The following TDRD12 variants were observed in gnomAD, a reference collection of about 807,000 sequenced individuals.
TDRD12 encodes the protein putative ATP-dependent RNA helicase TDRD12.
TDRD12 carries 158 observed loss-of-function variants against 133.5 expected under a neutral mutation model. That is an observed-to-expected ratio of 1.18 (90% CI 1.04 to 1.35). TDRD12 has a LOEUF of 1.35. Ranked by LOEUF, TDRD12 falls within the 40% of genes most tolerant of loss-of-function variation. TDRD12 has a pLI of 0.00. For missense variants in TDRD12, 1,443 were observed against 1,321.3 expected (o/e 1.09, Z -1.43); for synonymous variants, 460 against 477.9 (o/e 0.96, Z 0.49).
intron 11 of TDRD12, among the ~76,000 whole-genome samples, chr19:32,780,656 G>A (rs1970736897): frequency 6.6e-6 from 1 of 152,064 alleles, no homozygotes. Flanking sequence ...CTGGTGAGAT[G>A]AGTGTTCATT....
intron 14 of TDRD12, among the ~76,000 whole-genome samples, chr19:32,795,204 A>G (rs1032729162): frequency 1.3e-5 from 2 of 152,040 alleles, no homozygotes; most frequent in Non-Finnish European, 2.9e-5. Context: ...GCATGGTGGC[A>G]TGCCTGTAAT....
downstream of TDRD12, among the ~76,000 whole-genome samples, chr19:32,823,414 TG>T (rs1166593870): frequency 6.6e-6 from 1 of 151,778 alleles, no homozygotes; most frequent in Non-Finnish European, 1.5e-5. Context: ...TTGTGAAGGA[TG>T]GGGGTCATCT....
chr19:32,777,647 T>C (rs1387170994), intron 11 of TDRD12, among the ~76,000 whole-genome samples: 1 of 151,342 alleles, frequency 6.6e-6, no homozygotes, highest in African/African-American at 2.4e-5. Context: ...AATATTTACA[T>C]AGCAATTTTC....
chr19:32,771,869 T>G (rs1459900321), intron 8 of TDRD12, among the ~76,000 whole-genome samples: 4 of 152,266 alleles, frequency 2.6e-5, no homozygotes, highest in Non-Finnish European at 5.9e-5. Context: ...CTGCTGCTTA[T>G]TTCAATGAGT....
chr19:32,776,154 T>C (rs1372073094), intron 10 of TDRD12, among the ~76,000 whole-genome samples: 5 of 152,220 alleles, frequency 3.3e-5, no homozygotes, highest in Admixed American at 2.0e-4. Context: ...CAGTTACCAA[T>C]TTCTAGGGCC....
At chr19:32,801,929 A>G in intron 19 of TDRD12, 56 bp downstream of exon 19, 1 of 598,368 alleles carries the variant, frequency 1.7e-6, no homozygotes, top group Non-Finnish European at 2.7e-6. Flanking sequence ...TAGGAATTCT[A>G]TCTTTAATTC....
At chr19:32,727,632 A>G (rs1390069337) in intron 1 of TDRD12, among the ~76,000 whole-genome samples, 1 of 152,126 alleles carries the variant, frequency 6.6e-6, no homozygotes, top group African/African-American at 2.4e-5. Context: ...GTATGGTGTC[A>G]CATAAAGGTC....
At chr19:32,738,165 G>A (rs1264786659) in intron 2 of TDRD12, among the ~76,000 whole-genome samples, 1 of 152,050 alleles carries the variant, frequency 6.6e-6, no homozygotes, top group African/African-American at 2.4e-5. Context: ...ATGGGTAAGG[G>A]AGTGGAAGGA....
downstream of TDRD12, among the ~76,000 whole-genome samples, chr19:32,824,884 G>A (rs941250072): frequency 1.5e-4 from 23 of 152,172 alleles, no homozygotes; most frequent in African/African-American, 5.3e-4. Context: ...AATCAACCTC[G>A]AGTCGGCTGA....
chr19:32,783,346 A>G (rs1460932858), intron 11 of TDRD12, among the ~76,000 whole-genome samples: 1 of 152,162 alleles, frequency 6.6e-6, no homozygotes, highest in Non-Finnish European at 1.5e-5. Context: ...TACCAGTGCC[A>G]TGCTGTTTTG....
intron 1 of TDRD12, among the ~76,000 whole-genome samples, chr19:32,723,943 A>G (rs1223408782): frequency 6.6e-6 from 1 of 152,030 alleles, no homozygotes; most frequent in Non-Finnish European, 1.5e-5. Flanking sequence ...CTGCAACCTC[A>G]AACTCCTGGG....
intron 22 of TDRD12, among the ~76,000 whole-genome samples, chr19:32,808,472 C>G (rs1415790627): frequency 7.9e-5 from 12 of 152,212 alleles, no homozygotes; most frequent in East Asian, 7.7e-4. Context: ...CACTGTCACT[C>G]TCTCTCCACC....
intron 1 of TDRD12, among the ~76,000 whole-genome samples, chr19:32,724,230 A>G (rs564435572): frequency 4.6e-5 from 7 of 152,250 alleles, no homozygotes; most frequent in African/African-American, 1.7e-4. Flanking sequence ...TTATTTTTTA[A>G]TTTAATTTTA....
chr19:32,820,833 T>C (rs59232003), intron 27 of TDRD12, among the ~76,000 whole-genome samples, 200 bp from the exon 28 acceptor site: 11,828 of 152,196 alleles, frequency 0.078, 827 homozygotes, highest in East Asian at 0.23. Context: ...ATGTCAGTCA[T>C]GCACTGTGTG....
exon 10 of TDRD12, chr19:32,773,514 C>G: frequency 1.3e-6 from 2 of 1,551,686 alleles, no homozygotes; most frequent in Non-Finnish European, 1.7e-6. Flanking sequence ...TATGCTGATC[C>G]AGATGTACCA....
At chr19:32,719,892 G>A (rs1487476819) in exon 1 of TDRD12, 3 of 700,700 alleles carry the variant, frequency 4.3e-6, no homozygotes, top group East Asian at 5.5e-5. Flanking sequence ...CCCGGGGTCC[G>A]CGAGGGCTCC....
chr19:32,820,933 C>A, intron 27 of TDRD12, 100 bp from the exon 28 acceptor site: 1 of 926,644 alleles, frequency 1.1e-6, no homozygotes, highest in Non-Finnish European at 1.6e-6. Flanking sequence ...TCTGACTCCA[C>A]GGCCACAGGC....
intron 2 of TDRD12, among the ~76,000 whole-genome samples, 197 bp downstream of exon 2, chr19:32,732,080 C>G (rs913576284): frequency 6.6e-6 from 1 of 152,150 alleles, no homozygotes; most frequent in Non-Finnish European, 1.5e-5. Flanking sequence ...CTGGGCTCAC[C>G]GCAACCTCCG....
At chr19:32,802,506 T>C (rs1599606358) in intron 19 of TDRD12, 150 bp from the exon 20 acceptor site, 2 of 887,244 alleles carry the variant, frequency 2.3e-6, no homozygotes, top group East Asian at 5.5e-5. Context: ...CTGTGGCATT[T>C]TGGGGAAAAA....
Sources: allele counts gnomAD v4.1 joint callset (sites outside exome capture counted in the v4.1 genomes callset), GRCh38; gene constraint gnomAD v4.1.1; transcripts MANE v1.5; gene names NCBI Gene and HGNC (gene_info 2026-07-23, HGNC 2026-07-21).